Variants in SEZ6L observed in about 807,000 individuals in gnomAD.
SEZ6L encodes the protein seizure 6-like protein.
In SEZ6L, 37 loss-of-function variants were observed where a neutral mutation model predicts 106.2. The observed-to-expected ratio is 0.35, with a 90% CI of 0.27 to 0.46. The LOEUF (loss-of-function observed/expected upper bound fraction) is 0.46, where lower values mean the gene tolerates loss of function less well. Among genes scored for constraint, SEZ6L ranks in the 20% least tolerant of loss-of-function variants. SEZ6L has a pLI of 1.00. For missense variants in SEZ6L, 1,172 were observed against 1,332.8 expected (o/e 0.88, Z 1.88); for synonymous variants, 541 against 570.4 (o/e 0.95, Z 0.73).
chr22:26,352,345 T>G (rs1236368062), intron 12 of SEZ6L, among the ~76,000 whole-genome samples: 1 of 151,948 alleles, frequency 6.6e-6, no homozygotes, highest in Non-Finnish European at 1.5e-5. Context: ...TATGAACAAC[T>G]CCATTAGGAA....
intron 1 of SEZ6L, among the ~76,000 whole-genome samples, chr22:26,196,162 A>G (rs2145667670): frequency 6.6e-6 from 1 of 152,248 alleles, no homozygotes; most frequent in East Asian, 1.9e-4. Flanking sequence ...GTGAGTTCTC[A>G]TGATATCTGG....
Position 26,351,085 on chromosome 22 carries a change from A to T in SEZ6L, c.2441A>T (p.His814Leu). The change falls in exon 12 of 17, where the codon CAC becomes CTC. Residue 814 changes from histidine to leucine, a missense_variant. Around this residue, in one of 4 missense-constraint regions of SEZ6L, gnomAD observed 534 missense variants for 691.0 expected, o/e 0.77. Coordinates refer to ENST00000248933, the MANE Select transcript of SEZ6L (RefSeq NM_021115.5). ...TGCACCGACCCCGGAGAGGTGGATCACTCGACCCGCTTAATTTCGGATCCT... is the reference window on the plus strand; with the variant it reads ...TGCACCGACCCCGGAGAGGTGGATCTCTCGACCCGCTTAATTTCGGATCCT... ...MYCTDPGEVD[H>L]STRLISDPVL... The T allele has an allele frequency of 6.2e-7, 1 of 1,614,070 alleles. No individual in the cohort carries two copies. The highest frequency in any genetic ancestry group is 8.5e-7 in the Non-Finnish European group (1 of 1,180,012).
chr22:26,238,576 T>A (rs1420944091), intron 1 of SEZ6L, among the ~76,000 whole-genome samples: 1 of 152,160 alleles, frequency 6.6e-6, no homozygotes, highest in Non-Finnish European at 1.5e-5. Flanking sequence ...ATAAAGAAAG[T>A]ACATAAATAA....
intron 1 of SEZ6L, among the ~76,000 whole-genome samples, chr22:26,240,088 A>ACT (rs1317634108): frequency 4.3e-5 from 5 of 116,766 alleles, no homozygotes; most frequent in Non-Finnish European, 8.6e-5. Context: ...ACACACACAC[A>ACT]CACTCACACA....
Position 26,365,495 on chromosome 22 carries a change from T to G in SEZ6L, c.2723T>G (p.Met908Arg), listed in dbSNP as rs1465214440. 6.2e-7 allele frequency: 1 copy of G among 1,613,968 alleles called. No individual in the cohort carries two copies. Among genetic ancestry groups the G allele is most frequent in the East Asian group, 2.2e-5 (1 of 44,890 alleles). ...TFMCYEGFEL[M>R]GEVTIRCILG... ...ATGTGCTACGAAGGCTTTGAGCTCATGGGTGAAGTGACCATCCGCTGCATC... is the reference window on the plus strand; with the variant it reads ...ATGTGCTACGAAGGCTTTGAGCTCAGGGGTGAAGTGACCATCCGCTGCATC... Residue 908 changes from methionine (M) to arginine (R), a missense_variant, in exon 13 of 17, where the codon ATG becomes AGG. This residue lies in a region of SEZ6L where 141 missense variants were observed against 176.0 expected (regional missense o/e 0.80). Transcript: ENST00000248933.
intron 1 of SEZ6L, among the ~76,000 whole-genome samples, chr22:26,174,129 T>C (rs952860675): frequency 3.9e-5 from 6 of 152,108 alleles, no homozygotes; most frequent in African/African-American, 1.4e-4. Context: ...ATCCGTGCCA[T>C]GTGGTAAGTT....
At chr22:26,347,951 G>A in intron 11 of SEZ6L, 38 bp downstream of exon 11, 1 of 1,499,294 alleles carries the variant, frequency 6.7e-7, no homozygotes, top group Non-Finnish European at 8.9e-7. Flanking sequence ...AGGTCCCTGG[G>A]TGGCAAATCC....
chr22:26,180,878 A>G (rs1461563263), intron 1 of SEZ6L, among the ~76,000 whole-genome samples: 1 of 152,226 alleles, frequency 6.6e-6, no homozygotes, highest in Non-Finnish European at 1.5e-5. Flanking sequence ...TTTTAATATT[A>G]TGGAAACAGG....
chr22:26,206,402 A>G (rs935846836), intron 1 of SEZ6L, among the ~76,000 whole-genome samples: 4 of 152,242 alleles, frequency 2.6e-5, no homozygotes, highest in Admixed American at 6.5e-5. Flanking sequence ...TGCTTACTAT[A>G]TGCCAGCCAC....
At position 26,337,996 on chromosome 22, in the gene SEZ6L, G is replaced by C. The variant is rs914507237; in HGVS notation, c.2016-2440G>C. On this transcript the variant is annotated intron_variant, in intron 9 of 16. Coordinates refer to ENST00000248933, the MANE Select transcript of SEZ6L (RefSeq NM_021115.5). ...TCTGACCACCTGAAACACCAACATG[G>C]GTAGTTGCCACCTCACCTCCCAACT... is the stretch of plus-strand genomic sequence containing the variant. Among the ~76,000 whole-genome samples the C allele has an allele frequency of 3.3e-5, 5 of 152,204 alleles. 1 individual carries two copies. In the Middle Eastern group the frequency reaches 0.01, roughly 311 times the overall value.
intron 1 of SEZ6L, among the ~76,000 whole-genome samples, chr22:26,289,336 G>A (rs1243944802): frequency 3.3e-5 from 5 of 152,178 alleles, no homozygotes; most frequent in Non-Finnish European, 7.3e-5. Flanking sequence ...AAAAGCGACA[G>A]TGAGCATAAA....
At chr22:26,171,259 T>C (rs570087283) in intron 1 of SEZ6L, among the ~76,000 whole-genome samples, 2 of 152,328 alleles carry the variant, frequency 1.3e-5, no homozygotes, top group African/African-American at 4.8e-5. Context: ...CTGGGAAAGA[T>C]AGGGAAAGAG....
In SEZ6L at chr22:26,294,871, CTCTT is replaced by C. The variant is rs367724577; in HGVS notation, c.969+463_969+466del. Among the ~76,000 whole-genome samples, 7 of 73,296 alleles carry C rather than the reference CTCTT, an allele frequency of 9.6e-5. 1 individual carries two copies. The highest frequency in any genetic ancestry group is 2.7e-4 in the African/African-American group (5 of 18,196). The allele number at this position is 73,296 out of a possible 152,430, so 48.1% of individuals were successfully genotyped here. A position where few individuals can be genotyped will look rare whatever the true frequency, so the allele number is the denominator to read the frequency against. ...CCTGCTTTCTTGCTTCTTTCTCTTT[CTCTT>C]TCTTTCTTTCTTTCTTGCTTGCTTG... On this transcript the variant is annotated intron_variant, in intron 3 of 16. Transcript: ENST00000248933.
At chr22:26,199,544 T>C (rs1022754919) in intron 1 of SEZ6L, among the ~76,000 whole-genome samples, 4 of 152,184 alleles carry the variant, frequency 2.6e-5, no homozygotes, top group Non-Finnish European at 5.9e-5. Flanking sequence ...CCTGATGCTT[T>C]TGGGGAGAGA....
intron 1 of SEZ6L, among the ~76,000 whole-genome samples, chr22:26,233,868 G>A (rs2078877022): frequency 6.6e-6 from 1 of 152,156 alleles, no homozygotes; most frequent in Non-Finnish European, 1.5e-5. Flanking sequence ...CTGGGGCCTG[G>A]GCAGTGAAGA....
chr22:26,249,190 T>C (rs2079478208), intron 1 of SEZ6L, among the ~76,000 whole-genome samples: 1 of 152,214 alleles, frequency 6.6e-6, no homozygotes, highest in African/African-American at 2.4e-5. Context: ...CAAAATTCAC[T>C]CTTCTAGCTA....
In SEZ6L at chr22:26,219,254, G is replaced by GTGTTTTT. The variant is rs1556124260; in HGVS notation, c.94+49492_94+49493insGTTTTTT. On this transcript the variant is annotated intron_variant, in intron 1 of 16. Transcript: ENST00000248933. ...CATAGAAGATGTTCGAGAAATACAA[G>GTGTTTTT]TTTTTTTTTTTTTTTTCGCTCCTGG... Among the ~76,000 whole-genome samples, 180 of 135,056 alleles carry GTGTTTTT rather than the reference G, an allele frequency of 1.3e-3. 10 individuals are homozygous for GTGTTTTT. Among genetic ancestry groups the GTGTTTTT allele is most frequent in the African/African-American group, 2.2e-3 (80 of 36,722 alleles). The allele number at this position is 135,056 out of a possible 152,430, so 88.6% of individuals were successfully genotyped here. A position where few individuals can be genotyped will look rare whatever the true frequency, so the allele number is the denominator to read the frequency against.
chr22:26,240,414 T>C (rs988952208), intron 1 of SEZ6L, among the ~76,000 whole-genome samples: 13 of 152,096 alleles, frequency 8.5e-5, no homozygotes, highest in East Asian at 1.9e-4. Context: ...TGTGTGAATG[T>C]GGGCAGTCAT....
intron 9 of SEZ6L, among the ~76,000 whole-genome samples, chr22:26,328,952 C>A (rs570176739): frequency 1.2e-4 from 19 of 152,204 alleles, no homozygotes; most frequent in South Asian, 1.2e-3. Flanking sequence ...AATTCCCAGT[C>A]TCCACCCCCA....
Sources: gnomAD v4.1 joint callset for allele counts (sites outside exome capture counted in the v4.1 genomes callset) on GRCh38, gnomAD v4.1.1 for gene constraint, gnomAD v4.1.1 regional missense constraint, MANE v1.5 for transcripts, NCBI Gene and HGNC (gene_info 2026-07-23, HGNC 2026-07-21) for gene names.